MREG: variants seen among roughly 807,000 people sequenced by gnomAD.
The protein encoded by MREG is dilute suppressor protein homolog.
A neutral mutation model predicts 28.5 loss-of-function variants in MREG; 31 were observed. The observed-to-expected ratio is 1.09, with a 90% CI of 0.82 to 1.47. The LOEUF (loss-of-function observed/expected upper bound fraction) is 1.47. MREG is among the 40% of genes most tolerant of loss of function. The pLI, the probability that MREG is intolerant of heterozygous loss-of-function variation, is 0.00. For missense variants in MREG, 256 were observed against 257.4 expected (o/e 0.99, Z 0.04); for synonymous variants, 106 against 95.2 (o/e 1.11, Z -0.66).
intron 1 of MREG, among the ~76,000 whole-genome samples, chr2:216,008,785 A>C (rs1694225651): frequency 6.6e-6 from 1 of 152,206 alleles, no homozygotes; most frequent in South Asian, 2.1e-4. Context: ...TGAATGGCCC[A>C]CAGATACAAA....
At chr2:216,007,052 T>C (rs114631587) in intron 1 of MREG, among the ~76,000 whole-genome samples, 29 of 152,352 alleles carry the variant, frequency 1.9e-4, no homozygotes, top group African/African-American at 7.0e-4. Flanking sequence ...TGAAATCTAC[T>C]AGCATATGAA....
At chr2:215,972,617 G>GAAAAAA (rs34332971) in intron 2 of MREG, among the ~76,000 whole-genome samples, 1 of 103,668 alleles carries the variant, frequency 9.6e-6, no homozygotes. Flanking sequence ...CTCTCTCCCA[G>GAAAAAA]AAAAAAAAAA....
intron 2 of MREG, among the ~76,000 whole-genome samples, chr2:215,987,251 C>CTT (rs548305432): frequency 2.7e-5 from 4 of 146,114 alleles, no homozygotes; most frequent in Admixed American, 6.9e-5. Context: ...ACATAAGCAA[C>CTT]TTTTTTTTTT....
At chr2:215,957,253 C>G (rs1692649847) in intron 2 of MREG, among the ~76,000 whole-genome samples, 1 of 152,198 alleles carries the variant, frequency 6.6e-6, no homozygotes, top group South Asian at 2.1e-4. Context: ...TTTCTAGAAG[C>G]AGAGGATTCC....
At chr2:215,958,284 A>G (rs1692685188) in intron 2 of MREG, among the ~76,000 whole-genome samples, 1 of 150,994 alleles carries the variant, frequency 6.6e-6, no homozygotes. Context: ...AAATAAATAA[A>G]TAAATAAATA....
chr2:216,009,546 G>A (rs979224213), intron 1 of MREG, among the ~76,000 whole-genome samples: 1 of 152,096 alleles, frequency 6.6e-6, no homozygotes, highest in African/African-American at 2.4e-5. Context: ...AGGCTCCATG[G>A]TGCCAAAAGA....
intron 1 of MREG, among the ~76,000 whole-genome samples, chr2:216,004,116 G>A (rs904316410): frequency 2.0e-5 from 3 of 151,936 alleles, no homozygotes; most frequent in African/African-American, 7.3e-5. Flanking sequence ...TTGACCTCAG[G>A]GCCCTTGCAC....
intron 1 of MREG, among the ~76,000 whole-genome samples, chr2:216,018,828 C>T (rs889325555): frequency 1.3e-5 from 2 of 152,192 alleles, no homozygotes; most frequent in Admixed American, 6.5e-5. Flanking sequence ...GAACATGCCC[C>T]CAATTCAATA....
rs969936940 is a variant in MREG at position 215,996,297 on chromosome 2, G to A, written c.255+9C>T. 1 of 1,610,784 alleles carries A rather than the reference G, an allele frequency of 6.2e-7. No individual in the cohort carries two copies. The highest frequency in any genetic ancestry group is 8.5e-7 in the Non-Finnish European group (1 of 1,179,106). Reference sequence around the variant, plus strand: ...ATCCGCGCACAGCAAGACATCAAAAGGTGCTCACCTCTGAGTCTTTGGCCT... The same window carrying A: ...ATCCGCGCACAGCAAGACATCAAAAAGTGCTCACCTCTGAGTCTTTGGCCT... On this transcript the variant is annotated intron_variant, in intron 2 of 4. Coordinates refer to ENST00000263268, the MANE Select transcript of MREG (RefSeq NM_018000.3).
At chr2:215,984,166 G>A (rs533680941) in intron 2 of MREG, among the ~76,000 whole-genome samples, 10 of 152,234 alleles carry the variant, frequency 6.6e-5, no homozygotes, top group South Asian at 6.2e-4. Context: ...ACTTGTGCAG[G>A]AAAACTCCTC....
At chr2:215,952,960 GCTCT>G (rs1692526759) in intron 2 of MREG, among the ~76,000 whole-genome samples, 1 of 152,090 alleles carries the variant, frequency 6.6e-6, no homozygotes, top group African/African-American at 2.4e-5. Context: ...GCACACGTGT[GCTCT>G]CTCTTTCTCT....
At chr2:216,018,260 G>A (rs894332028), upstream of MREG, among the ~76,000 whole-genome samples, 3 of 152,174 alleles carry the variant, frequency 2.0e-5, no homozygotes, top group Admixed American at 6.5e-5. Context: ...TCAGTTATTT[G>A]TTCTACAAAA....
At chr2:216,030,264 T>C (rs1483235316) in intron 1 of MREG, among the ~76,000 whole-genome samples, 2 of 152,172 alleles carry the variant, frequency 1.3e-5, no homozygotes, top group Non-Finnish European at 2.9e-5. Flanking sequence ...ATCTCTTCAT[T>C]GTCCTTGGTG....
intron 1 of MREG, among the ~76,000 whole-genome samples, chr2:215,996,752 C>G (rs1693885419): frequency 1.3e-5 from 2 of 149,494 alleles, no homozygotes; most frequent in Admixed American, 1.3e-4. Context: ...ACCCCAGAAG[C>G]TAAGACAACA....
chr2:215,955,342 T>C (rs1692594651), intron 2 of MREG, among the ~76,000 whole-genome samples: 1 of 152,200 alleles, frequency 6.6e-6, no homozygotes, highest in Non-Finnish European at 1.5e-5. Context: ...CCTTAAGATT[T>C]TTCGCTTCCT....
At position 215,945,681 on chromosome 2, in the gene MREG, T is replaced by A. The variant is rs1692300720; in HGVS notation, c.400A>T (p.Ser134Cys). 6.2e-7 allele frequency: 1 copy of A among 1,613,966 alleles called. No homozygotes were observed. Among genetic ancestry groups the A allele is most frequent in the East Asian group, 2.2e-5 (1 of 44,876 alleles). Reference protein sequence around the residue: ...LLSVTKLSTISDSKNTRKARE... With the variant: ...LLSVTKLSTICDSKNTRKARE... ...GCTTTCCTTGTGTTTTTAGAATCACTGATGGTGCTGAGTTTAGTCACTGAC... is the reference window on the plus strand; with the variant it reads ...GCTTTCCTTGTGTTTTTAGAATCACAGATGGTGCTGAGTTTAGTCACTGAC... Residue 134 changes from serine (S) to cysteine (C), a missense_variant, in exon 4 of 5, where the codon AGT becomes TGT. Physicochemically the swap from Ser to Cys is moderately radical, Grantham distance 112. Coordinates refer to ENST00000263268, the MANE Select transcript of MREG (RefSeq NM_018000.3).
At position 216,012,190 on chromosome 2, in the gene MREG, A is replaced by G. The variant is rs181794508; in HGVS notation, c.95+1043T>C. ...AAAATAGCTTTTGGGAAGGAGGAGC[A>G]AGGATAAAGGTCACCACTTGAGGGA... On this transcript the variant is annotated intron_variant, in intron 1 of 4. Transcript: ENST00000263268. 3.5e-4 allele frequency among the ~76,000 whole-genome samples: 54 copies of G among 152,312 alleles called. 1 individual carries two copies. In the East Asian group the frequency reaches 0.01, roughly 28 times the overall value.
chr2:215,996,367 T>A lies in MREG; in HGVS notation c.194A>T (p.Asp65Val). The A allele has an allele frequency of 6.2e-7, 1 of 1,614,076 alleles. No homozygotes were observed. The highest frequency in any genetic ancestry group is 8.5e-7 in the Non-Finnish European group (1 of 1,179,906). ...MPHDVSHTEA[D>V]DDRTLYNLIV... ...CAAATTGTACAGGGTTCTGTCGTCG[T>A]CTGCCTCTGTGTGGGACACATCATG... Residue 65 changes from aspartate to valine, a missense_variant, in exon 2 of 5, where the codon GAC becomes GTC. Physicochemically the swap from Asp to Val is radical, Grantham distance 152. Transcript: ENST00000263268.
chr2:215,982,456 C>G lies in MREG; in HGVS notation c.255+13850G>C, dbSNP rs187905733. 1.4e-3 allele frequency among the ~76,000 whole-genome samples: 214 copies of G among 152,052 alleles called. 4 individuals are homozygous for G. Among genetic ancestry groups the G allele is most frequent in the Non-Finnish European group, 8.8e-5 (6 of 67,980 alleles). The stretch of plus-strand genomic sequence containing the variant: ...AGCAAAGAATAGAAACATCACAGAC[C>G]GATGAACAGAACATCTTCTGGTATA... On this transcript the variant is annotated intron_variant, in intron 2 of 4. Coordinates refer to ENST00000263268, the MANE Select transcript of MREG (RefSeq NM_018000.3).
Sources: gnomAD v4.1 joint callset for allele counts (sites outside exome capture counted in the v4.1 genomes callset) on GRCh38, gnomAD v4.1.1 for gene constraint, MANE v1.5 for transcripts, NCBI Gene and HGNC (gene_info 2026-07-23, HGNC 2026-07-21) for gene names.